Variants in CEP85L observed in about 807,000 individuals in gnomAD.
CEP85L encodes the protein centrosomal protein 85L, also known as centrosomal protein of 85 kDa-like.
A neutral mutation model predicts 100.3 loss-of-function variants in CEP85L; 60 were observed. The ratio of observed to expected loss-of-function variants is 0.60; its 90% CI spans 0.49 to 0.74. The LOEUF (loss-of-function observed/expected upper bound fraction) is 0.74, where lower values mean the gene tolerates loss of function less well. Ranked by LOEUF, CEP85L falls within the 30% of genes least tolerant of loss-of-function variation. CEP85L has a pLI of 0.00. For synonymous variants in CEP85L, 319 were observed against 322.7 expected (o/e 0.99, Z 0.12); for missense variants, 973 against 936.2 (o/e 1.04, Z -0.51).
At chr6:118,538,157 CA>C (rs959974477) in intron 3 of CEP85L, among the ~76,000 whole-genome samples, 7 of 151,876 alleles carry the variant, frequency 4.6e-5, no homozygotes, top group African/African-American at 1.4e-4. Context: ...CTAACAACAA[CA>C]AAAAAACCAT....
rs537199964 is a variant in CEP85L, at chr6:118,523,989, T to C, written c.1021-69A>G. On this transcript the variant is annotated intron_variant, in intron 3 of 12. Coordinates refer to ENST00000368491, the MANE Select transcript of CEP85L (RefSeq NM_001042475.3). ...AGAAAATATTTATATATTATCATAT[T>C]TTCCCAAAGATTTATATTAAAAAAA... 27 of 612,246 alleles carry C rather than the reference T, an allele frequency of 4.4e-5. No homozygotes were observed. In the East Asian group the frequency reaches 9.9e-4, roughly 22 times the overall value. 37.9% of individuals were successfully genotyped at this position (612,246 alleles called of 1,614,324 possible).
At chr6:118,618,433 C>A (rs998524944) in intron 2 of CEP85L, among the ~76,000 whole-genome samples, 1 of 152,198 alleles carries the variant, frequency 6.6e-6, no homozygotes, top group Non-Finnish European at 1.5e-5. Context: ...TGGTCTCCCA[C>A]ATCAGGACAA....
rs1278659641 is a variant in CEP85L at position 118,473,846 on chromosome 6, GA to G, written c.1915-3203del. 3.9e-5 allele frequency among the ~76,000 whole-genome samples: 6 copies of G among 152,172 alleles called. No individual in the cohort carries two copies. In the East Asian group the frequency reaches 1.2e-3, roughly 29 times the overall value. On this transcript the variant is annotated intron_variant, in intron 10 of 12. Transcript: ENST00000368491. ...GTCAAGGATAAATCTAGGATACCTG[GA>G]CTGAACAAATGGAAGGGCAGAGATG...
At chr6:118,560,537 G>A (rs912951385) in intron 3 of CEP85L, 31 of 166,898 alleles carry the variant, frequency 1.9e-4, no homozygotes, top group Non-Finnish European at 4.0e-4. Flanking sequence ...GGGGAGTGGG[G>A]GAAAGAATAT....
At chr6:118,600,300 G>GGGGGGGGGGTGTGTGTGTGTGTGTGTGT (rs1562297733) in intron 2 of CEP85L, among the ~76,000 whole-genome samples, 1 of 52,236 alleles carries the variant, frequency 1.9e-5, no homozygotes, top group Non-Finnish European at 4.0e-5. Context: ...CCTTCCTGGG[G>GGGGGGGGGGTGTGTGTGTGTGTGTGTGT]GTGTGTGTGT....
chr6:118,571,351 T>C (rs1779876116), intron 2 of CEP85L, among the ~76,000 whole-genome samples: 1 of 152,214 alleles, frequency 6.6e-6, no homozygotes, highest in Non-Finnish European at 1.5e-5. Flanking sequence ...GAATGTGGCT[T>C]ATAGCATTGA....
At chr6:118,645,422 C>A (rs1037078075) in intron 1 of CEP85L, among the ~76,000 whole-genome samples, 3 of 152,190 alleles carry the variant, frequency 2.0e-5, no homozygotes, top group Non-Finnish European at 2.9e-5. Flanking sequence ...GCCTGTCATC[C>A]CAATACTTGG....
intron 1 of CEP85L, among the ~76,000 whole-genome samples, chr6:118,702,118 T>C (rs1381223130): frequency 2.0e-5 from 3 of 152,212 alleles, no homozygotes; most frequent in Non-Finnish European, 4.4e-5. Context: ...GTAGGGCTTT[T>C]ACTTTATGGT....
intron 2 of CEP85L, among the ~76,000 whole-genome samples, chr6:118,623,556 G>A (rs180868883): frequency 6.6e-6 from 1 of 152,206 alleles, no homozygotes. Context: ...CAATCCTCAG[G>A]GAAAGTCGAA....
intron 3 of CEP85L, among the ~76,000 whole-genome samples, chr6:118,538,514 T>C (rs1777728987): frequency 6.6e-6 from 1 of 152,036 alleles, no homozygotes; most frequent in Non-Finnish European, 1.5e-5. Context: ...TCTCTTTTCT[T>C]TTGGAGGGAG....
At chr6:118,483,477 C>G (rs1315144295) in intron 7 of CEP85L, among the ~76,000 whole-genome samples, 3 of 151,990 alleles carry the variant, frequency 2.0e-5, no homozygotes, top group Admixed American at 2.0e-4. Context: ...AAACTAACTT[C>G]TACAGTAGTT....
chr6:118,626,101 G>A (rs1773774155), intron 2 of CEP85L, among the ~76,000 whole-genome samples: 1 of 152,128 alleles, frequency 6.6e-6, no homozygotes, highest in Admixed American at 6.5e-5. Flanking sequence ...TTTAGAGGGG[G>A]GACTGAGAGG....
chr6:118,570,627 A>G (rs1397393739), intron 2 of CEP85L, among the ~76,000 whole-genome samples: 1 of 152,220 alleles, frequency 6.6e-6, no homozygotes, highest in Non-Finnish European at 1.5e-5. Context: ...TTGGCATAAA[A>G]AAAGTTGCCT....
chr6:118,465,648 T>C (rs1035356348), intron 12 of CEP85L, 80 bp from the exon 13 acceptor site: 65 of 1,363,202 alleles, frequency 4.8e-5, no homozygotes, highest in African/African-American at 7.1e-5. Context: ...TTAATCATCA[T>C]GGAAATACAG....
intron 2 of CEP85L, among the ~76,000 whole-genome samples, chr6:118,598,429 A>G (rs1562296109): frequency 6.6e-6 from 1 of 152,196 alleles, no homozygotes; most frequent in Admixed American, 6.5e-5. Context: ...GGGTCTTTGC[A>G]GATGTAATCC....
chr6:118,652,572 C>T (rs182145652), upstream of CEP85L: 1 of 1,444,594 alleles, frequency 6.9e-7, no homozygotes, highest in African/African-American at 1.4e-5. Context: ...TTCCGCTTTT[C>T]CTGTTCTGGA....
At chr6:118,480,565 G>A in intron 8 of CEP85L, 52 bp from the exon 9 acceptor site, 3 of 1,137,844 alleles carry the variant, frequency 2.6e-6, no homozygotes, top group Non-Finnish European at 3.9e-6. Flanking sequence ...TGCTGATTTT[G>A]GTAATGATTT....
In CEP85L at chr6:118,698,538, GAA is replaced by G. The variant is rs5879467; in HGVS notation, c.-28+11496_-28+11497del. Among the ~76,000 whole-genome samples, 750 of 142,626 alleles carry G rather than the reference GAA, an allele frequency of 5.3e-3. 3 individuals are homozygous for G. Among genetic ancestry groups the G allele is most frequent in the Middle Eastern group, 0.036 (10 of 274 alleles). The allele number at this position is 142,626 out of a possible 152,430, so 93.6% of individuals were successfully genotyped here. On this transcript the variant is annotated intron_variant, in intron 1 of 13. Transcript: ENST00000368488. ...TGTGCTTTCTGTGTTTGCTGAAGCA[GAA>G]AAAAAAAAAAAGGATTGTCCAGATG...
intron 2 of CEP85L, among the ~76,000 whole-genome samples, chr6:118,603,497 G>A (rs1394623969): frequency 3.9e-5 from 6 of 152,142 alleles, no homozygotes; most frequent in African/African-American, 7.2e-5. Flanking sequence ...AAGAATACTC[G>A]CAACTAGTTT....
Sources: gnomAD v4.1 joint callset for allele counts (sites outside exome capture counted in the v4.1 genomes callset) on GRCh38, gnomAD v4.1.1 for gene constraint, MANE v1.5 for transcripts, NCBI Gene and HGNC (gene_info 2026-07-23, HGNC 2026-07-21) for gene names.